Variants in SNTG1 observed in about 807,000 individuals in gnomAD.
SNTG1 encodes the protein gamma-1-syntrophin.
Under a neutral mutation model 74.7 loss-of-function variants are expected in SNTG1, and 39 were observed. The observed-to-expected ratio is 0.52, with a 90% CI of 0.40 to 0.68. The LOEUF is 0.68. Among genes scored for constraint, SNTG1 ranks in the 30% least tolerant of loss-of-function variants. The probability of loss-of-function intolerance (pLI) is 0.00; values close to 1 mark genes in which losing one functional copy is unlikely to be tolerated. For missense variants in SNTG1, 685 were observed against 609.5 expected (o/e 1.12, Z -1.30); for synonymous variants, 254 against 217.1 (o/e 1.17, Z -1.49).
intron 17 of SNTG1, among the ~76,000 whole-genome samples, chr8:50,743,626 T>A (rs935270763): frequency 8.6e-5 from 13 of 151,538 alleles, no homozygotes; most frequent in African/African-American, 3.1e-4. Flanking sequence ...TTATTGACAG[T>A]TTTAGCCAGA....
At position 50,730,315 on chromosome 8, in the gene SNTG1, A is replaced by G. The variant is rs180784591; in HGVS notation, c.1284+21337A>G. Among the ~76,000 whole-genome samples the G allele has an allele frequency of 9.1e-4, 138 of 152,314 alleles. 2 individuals carry two copies. The highest frequency in any genetic ancestry group is 6.8e-3 in the Middle Eastern group (2 of 292). The stretch of plus-strand genomic sequence containing the variant: ...GGGATGAAGGCATTAATTAGTGTGA[A>G]AAAGAACACTGCTATTTAAAAGGCT... On this transcript the variant is annotated intron_variant, in intron 17 of 18. Coordinates refer to ENST00000642720, the MANE Select transcript of SNTG1 (RefSeq NM_018967.5).
chr8:50,779,250 G>C (rs1194897202), intron 18 of SNTG1, among the ~76,000 whole-genome samples: 1 of 152,154 alleles, frequency 6.6e-6, no homozygotes, highest in Non-Finnish European at 1.5e-5. Context: ...AAAGTCATTG[G>C]TAGCTTGATG....
chr8:50,385,541 TC>T (rs1230789380), intron 2 of SNTG1, among the ~76,000 whole-genome samples: 1 of 152,190 alleles, frequency 6.6e-6, no homozygotes, highest in African/African-American at 2.4e-5. Context: ...ACTTACTAGG[TC>T]CAATTAACTT....
chr8:50,566,930 A>G (rs1025292506), intron 12 of SNTG1, among the ~76,000 whole-genome samples: 1 of 152,014 alleles, frequency 6.6e-6, no homozygotes, highest in Non-Finnish European at 1.5e-5. Context: ...TGTCCCTTAT[A>G]TGATGCTGAA....
Position 50,607,828 on chromosome 8 carries a change from A to G in SNTG1, c.849+16911A>G, listed in dbSNP as rs115785755. Among the ~76,000 whole-genome samples the G allele has an allele frequency of 8.8e-3, 1,338 of 151,574 alleles. 26 individuals carry two copies. Among genetic ancestry groups the G allele is most frequent in the African/African-American group, 0.031 (1,271 of 41,494 alleles). On this transcript the variant is annotated intron_variant, in intron 13 of 18. Transcript: ENST00000642720. ...ACATAAGTTTTACATCTTTCAGCCTAACATATGTTTTAAAGGTATGAATTT... is the reference window on the plus strand; with the variant it reads ...ACATAAGTTTTACATCTTTCAGCCTGACATATGTTTTAAAGGTATGAATTT...
At chr8:50,770,862 G>A (rs1336385074) in intron 18 of SNTG1, among the ~76,000 whole-genome samples, 1 of 151,998 alleles carries the variant, frequency 6.6e-6, no homozygotes, top group Non-Finnish European at 1.5e-5. Context: ...CTCACCATGT[G>A]GTCTCTTTGC....
intron 1 of SNTG1, among the ~76,000 whole-genome samples, chr8:49,926,728 A>G (rs531927737): frequency 1.3e-5 from 2 of 152,210 alleles, no homozygotes; most frequent in East Asian, 3.8e-4. Flanking sequence ...TTTCAAAGAA[A>G]TAATTGATAA....
intron 13 of SNTG1, chr8:50,644,425 C>T (rs1389636888): frequency 6.6e-6 from 1 of 152,098 alleles, no homozygotes; most frequent in Admixed American, 6.6e-5. Flanking sequence ...AGATGAAGAG[C>T]TTTATGATGA....
chr8:49,912,630 G>A (rs1471812504), intron 1 of SNTG1, among the ~76,000 whole-genome samples: 2 of 152,148 alleles, frequency 1.3e-5, no homozygotes, highest in Non-Finnish European at 2.9e-5. Context: ...GTTTAACCAT[G>A]CCCTCTAACA....
intron 1 of SNTG1, among the ~76,000 whole-genome samples, chr8:49,999,755 G>A (rs1036727327): frequency 6.6e-6 from 1 of 152,004 alleles, no homozygotes; most frequent in African/African-American, 2.4e-5. Context: ...CTCTCCCACC[G>A]AGCCAGTGCT....
At chr8:50,253,251 C>T (rs1398116575) in intron 2 of SNTG1, among the ~76,000 whole-genome samples, 1 of 151,960 alleles carries the variant, frequency 6.6e-6, no homozygotes, top group East Asian at 1.9e-4. Context: ...TGGAGAAACC[C>T]TGTGTCTACT....
chr8:50,381,311 A>G (rs901557214), intron 2 of SNTG1, among the ~76,000 whole-genome samples: 3 of 151,968 alleles, frequency 2.0e-5, no homozygotes, highest in Non-Finnish European at 4.4e-5. Flanking sequence ...AGACATTTAT[A>G]AACTATGTAA....
chr8:50,407,178 T>C (rs1447084893), intron 4 of SNTG1, among the ~76,000 whole-genome samples: 1 of 152,132 alleles, frequency 6.6e-6, no homozygotes, highest in Non-Finnish European at 1.5e-5. Flanking sequence ...TTTGAGACAG[T>C]AGGGCAGAGA....
At chr8:50,707,265 G>A (rs2095446420) in intron 16 of SNTG1, among the ~76,000 whole-genome samples, 1 of 152,032 alleles carries the variant, frequency 6.6e-6, no homozygotes, top group Non-Finnish European at 1.5e-5. Flanking sequence ...AAATGACAGT[G>A]CTTGAAATAA....
chr8:50,696,783 C>T (rs2095406746), intron 15 of SNTG1, among the ~76,000 whole-genome samples: 1 of 151,964 alleles, frequency 6.6e-6, no homozygotes, highest in Non-Finnish European at 1.5e-5. Context: ...TGGGATCTCT[C>T]TTCTGTTCCA....
At chr8:50,124,905 G>T (rs1481725213) in intron 1 of SNTG1, among the ~76,000 whole-genome samples, 1 of 141,600 alleles carries the variant, frequency 7.1e-6, no homozygotes, top group Non-Finnish European at 1.6e-5. Flanking sequence ...TTTGTAACTG[G>T]ATTACAAATT....
At chr8:50,759,152 G>A (rs1323526878) in intron 18 of SNTG1, among the ~76,000 whole-genome samples, 1 of 151,820 alleles carries the variant, frequency 6.6e-6, no homozygotes, top group Admixed American at 6.6e-5. Flanking sequence ...TTTTTGATGG[G>A]GTTGTTTGTT....
intron 2 of SNTG1, among the ~76,000 whole-genome samples, chr8:50,179,148 T>C (rs2083110555): frequency 1.3e-5 from 2 of 152,204 alleles, no homozygotes; most frequent in African/African-American, 4.8e-5. Context: ...GGCTCTCTAC[T>C]CTGTTCCATT....
intron 1 of SNTG1, among the ~76,000 whole-genome samples, chr8:50,104,271 C>A (rs963631922): frequency 2.6e-5 from 4 of 152,148 alleles, no homozygotes; most frequent in African/African-American, 9.7e-5. Flanking sequence ...GATTCAACTT[C>A]TTCCTGGTTT....
Sources: allele counts gnomAD v4.1 joint callset (sites outside exome capture counted in the v4.1 genomes callset), GRCh38; gene constraint gnomAD v4.1.1; transcripts MANE v1.5; gene names NCBI Gene and HGNC (gene_info 2026-07-23, HGNC 2026-07-21).